The following STK35 variants were observed in gnomAD, a reference collection of about 807,000 sequenced individuals.
STK35 encodes the protein serine/threonine-protein kinase 35.
A neutral mutation model predicts 37.3 loss-of-function variants in STK35; 17 were observed. The ratio of observed to expected loss-of-function variants is 0.46; its 90% confidence interval spans 0.31 to 0.68. The LOEUF (loss-of-function observed/expected upper bound fraction) is 0.68, where lower values mean the gene tolerates loss of function less well. Among genes scored for constraint, STK35 ranks in the 30% least tolerant of loss-of-function variants. The pLI is 0.05. For missense variants in STK35, 595 were observed against 746.7 expected (o/e 0.80, Z 2.37); for synonymous variants, 385 against 319.1 (o/e 1.21, Z -2.20).
Position 2,130,916 on chromosome 20 carries a change from T to G in STK35, c.*38-12868T>G, listed in dbSNP as rs148687369. On this transcript the variant is annotated intron_variant, in intron 3 of 3. Transcript: ENST00000381482. Reference sequence around the variant, plus strand: ...GACAATAGAGGGCGTGGGTAGAGGTTGTGTCATCTGCCTGCTCACCAGACC... The same window carrying G: ...GACAATAGAGGGCGTGGGTAGAGGTGGTGTCATCTGCCTGCTCACCAGACC... Among the ~76,000 whole-genome samples the G allele has an allele frequency of 4.4e-3, 665 of 152,278 alleles. 4 individuals are homozygous for G. The highest frequency in any genetic ancestry group is 6.9e-3 in the Non-Finnish European group (469 of 68,014).
intron 2 of STK35, among the ~76,000 whole-genome samples, chr20:2,106,991 A>G (rs1185723619): frequency 6.6e-6 from 1 of 152,240 alleles, no homozygotes; most frequent in Non-Finnish European, 1.5e-5. Context: ...AACCACATTT[A>G]CAATCCTGTA....
intron 3 of STK35, among the ~76,000 whole-genome samples, chr20:2,125,104 C>G (rs1353861291): frequency 1.3e-5 from 2 of 152,222 alleles, no homozygotes; most frequent in South Asian, 2.1e-4. Context: ...TCCATGGCCT[C>G]CTTGGTGCCA....
intron 3 of STK35, among the ~76,000 whole-genome samples, chr20:2,127,416 C>CA (rs1985925204): frequency 6.6e-6 from 1 of 152,034 alleles, no homozygotes; most frequent in African/African-American, 2.4e-5. Flanking sequence ...TTGTACCAGA[C>CA]AGAAAGAGAA....
intron 3 of STK35, among the ~76,000 whole-genome samples, chr20:2,129,730 A>G (rs554931416): frequency 1.3e-5 from 2 of 152,126 alleles, no homozygotes; most frequent in African/African-American, 4.8e-5. Context: ...GAAAATGAGG[A>G]CCTGCCCAAG....
intron 2 of STK35, among the ~76,000 whole-genome samples, chr20:2,109,069 G>A (rs1468357461): frequency 6.6e-6 from 1 of 152,176 alleles, no homozygotes; most frequent in Non-Finnish European, 1.5e-5. Context: ...GTGTGCATGT[G>A]GTATACTGTG....
chr20:2,146,562 T>C lies in STK35; in HGVS notation c.*2816T>C, dbSNP rs1373337482. ...CCGTCAGAAGAATCAGCAGGACAGA[T>C]CGTAGTGCCTTATTCCATTGTCCTC... On this transcript the variant is annotated 3_prime_UTR_variant, in exon 4 of 4. Transcript: ENST00000381482. The C allele has an allele frequency of 6.5e-6, 1 of 152,694 alleles. No individual in the cohort carries two copies. The highest frequency in any genetic ancestry group is 1.9e-4 in the East Asian group (1 of 5,184). The allele number at this position is 152,694 out of a possible 1,614,324, so 9.5% of individuals were successfully genotyped here.
chr20:2,116,815 A>G lies in STK35; in HGVS notation c.1042A>G (p.Ile348Val), dbSNP rs1985725126. The G allele has an allele frequency of 1.2e-6, 2 of 1,614,114 alleles. No individual in the cohort carries two copies. The highest frequency in any genetic ancestry group is 1.7e-6 in the Non-Finnish European group (2 of 1,180,022). Residue 348 changes from isoleucine (I) to valine (V), a missense_variant, in exon 3 of 4, where the codon ATT (isoleucine) becomes GTT (valine). Ile to Val is a conservative substitution (Grantham distance 29, BLOSUM62 3). Transcript: ENST00000381482. Reference sequence around the variant, plus strand: ...TTTCATGCTACAGCTGACGAGCGCCATTGCCTTCCTGCACAAAAACCATAT... The same window carrying G: ...TTTCATGCTACAGCTGACGAGCGCCGTTGCCTTCCTGCACAAAAACCATAT... ...KSFMLQLTSA[I>V]AFLHKNHIVH...
chr20:2,134,113 G>T (rs6046969), intron 3 of STK35, among the ~76,000 whole-genome samples: 3 of 152,040 alleles, frequency 2.0e-5, no homozygotes, highest in African/African-American at 7.2e-5. Flanking sequence ...GGGAGTCTCA[G>T]GCTGGGCGTG....
chr20:2,142,389 G>A (rs1252286876), intron 3 of STK35, among the ~76,000 whole-genome samples: 1 of 151,954 alleles, frequency 6.6e-6, no homozygotes, highest in African/African-American at 2.4e-5. Context: ...ACAACGAGCT[G>A]GTGTTGTCAG....
intron 2 of STK35, among the ~76,000 whole-genome samples, chr20:2,109,784 C>T (rs1245721225): frequency 2.0e-5 from 3 of 152,200 alleles, no homozygotes. Flanking sequence ...TGTTTCTTCT[C>T]AATTTATAAA....
At chr20:2,130,161 C>T (rs1985974442) in intron 3 of STK35, among the ~76,000 whole-genome samples, 1 of 152,090 alleles carries the variant, frequency 6.6e-6, no homozygotes, top group Admixed American at 6.5e-5. Context: ...GGGAGATACA[C>T]AAATGAGTCT....
intron 3 of STK35, among the ~76,000 whole-genome samples, chr20:2,136,309 T>C (rs1040255011): frequency 2.6e-5 from 4 of 152,224 alleles, no homozygotes; most frequent in African/African-American, 9.6e-5. Context: ...TGATAGGCTA[T>C]GTAATGTCAG....
chr20:2,140,020 A>G (rs1046039356), intron 3 of STK35, among the ~76,000 whole-genome samples: 1 of 152,152 alleles, frequency 6.6e-6, no homozygotes, highest in Non-Finnish European at 1.5e-5. Flanking sequence ...AAAGCTGGAA[A>G]ACTTTGGATT....
chr20:2,125,244 C>T (rs537993562), intron 3 of STK35, among the ~76,000 whole-genome samples: 10 of 152,336 alleles, frequency 6.6e-5, no homozygotes, highest in African/African-American at 2.4e-4. Context: ...GACGCAGACA[C>T]TCCCACCAAC....
At chr20:2,127,014 G>A (rs1300012099) in intron 3 of STK35, among the ~76,000 whole-genome samples, 1 of 152,174 alleles carries the variant, frequency 6.6e-6, no homozygotes, top group African/African-American at 2.4e-5. Flanking sequence ...ATCTTGATGT[G>A]GGGCTTGGGG....
intron 2 of STK35, among the ~76,000 whole-genome samples, chr20:2,109,043 CTT>C (rs1410404430): frequency 1.3e-5 from 2 of 152,236 alleles, no homozygotes; most frequent in Non-Finnish European, 2.9e-5. Context: ...ATTTCACCCT[CTT>C]ATCGACCACC....
intron 2 of STK35, among the ~76,000 whole-genome samples, chr20:2,105,657 G>T (rs1985500632): frequency 5.3e-5 from 8 of 152,148 alleles, no homozygotes; most frequent in Admixed American, 5.2e-4. Flanking sequence ...GGGTCACTGT[G>T]CAAACTGTTA....
chr20:2,103,430 GC>G, intron 2 of STK35, 65 bp downstream of exon 2: 2 of 1,496,850 alleles, frequency 1.3e-6, no homozygotes, highest in South Asian at 1.2e-5. Context: ...GGACGGCTTG[GC>G]CCACACTGTT....
chr20:2,114,304 C>T (rs555731180), intron 2 of STK35, among the ~76,000 whole-genome samples: 9 of 152,132 alleles, frequency 5.9e-5, no homozygotes, highest in Admixed American at 4.6e-4. Context: ...CCACTGCACC[C>T]GGCCTCAAAA....
Sources: gnomAD v4.1 joint callset for allele counts (sites outside exome capture counted in the v4.1 genomes callset) on GRCh38, gnomAD v4.1.1 for gene constraint, MANE v1.5 for transcripts, NCBI Gene and HGNC (gene_info 2026-07-23, HGNC 2026-07-21) for gene names.